DDX60L: variants seen among roughly 807,000 people sequenced by gnomAD.
DDX60L encodes the protein DExD/H-box 60 like, also known as probable ATP-dependent RNA helicase DDX60-like.
Under a neutral mutation model 211.6 loss-of-function variants are expected in DDX60L, and 191 were observed. That is an observed-to-expected ratio of 0.90 (90% confidence interval 0.80 to 1.02). The LOEUF (loss-of-function observed/expected upper bound fraction) is 1.02, where lower values mean the gene tolerates loss of function less well. Ranked by LOEUF, DDX60L falls within the 50% of genes least tolerant of loss-of-function variation. The pLI, the probability that DDX60L is intolerant of heterozygous loss-of-function variation, is 0.00. For synonymous variants in DDX60L, 706 were observed against 694.1 expected, an observed-to-expected ratio of 1.02 and a Z score of -0.27; for missense variants, 2,007 against 1,984.1, an observed-to-expected ratio of 1.01 and a Z score of -0.22.
At chr4:168,392,081 G>A (rs573800564) in intron 28 of DDX60L, among the ~76,000 whole-genome samples, 1 of 152,206 alleles carries the variant, frequency 6.6e-6, no homozygotes, top group South Asian at 2.1e-4. Flanking sequence ...ATAAATATGT[G>A]TCCAATAACT....
At chr4:168,425,109 G>A (rs879296358) in intron 14 of DDX60L, among the ~76,000 whole-genome samples, 1 of 152,242 alleles carries the variant, frequency 6.6e-6, no homozygotes, top group Non-Finnish European at 1.5e-5. Context: ...CGATGATAGC[G>A]GAGCCTAAGT....
chr4:168,408,792 C>T lies in DDX60L; in HGVS notation c.2980-2086G>A, dbSNP rs115643682. On this transcript the variant is annotated intron_variant, in intron 22 of 37. Coordinates refer to ENST00000682922, the MANE Select transcript of DDX60L (RefSeq NM_001012967.3). ...CATAATTTGTAGGAAGGCTGTGCAG[C>T]TCTTCCCTTAGCCCAGGAACAAGCC... Among the ~76,000 whole-genome samples, 666 of 152,268 alleles carry T rather than the reference C, an allele frequency of 4.4e-3. 6 individuals carry two copies. Among genetic ancestry groups the T allele is most frequent in the African/African-American group, 0.016 (647 of 41,558 alleles).
intron 1 of DDX60L, among the ~76,000 whole-genome samples, chr4:168,473,578 A>G (rs1441187729): frequency 6.6e-6 from 1 of 152,176 alleles, no homozygotes; most frequent in Non-Finnish European, 1.5e-5. Context: ...GGACAGGAGG[A>G]TGGACGATGG....
chr4:168,423,534 T>G (rs1750979299), intron 15 of DDX60L, 74 bp downstream of exon 15: 1 of 1,082,786 alleles, frequency 9.2e-7, no homozygotes, highest in Admixed American at 3.0e-5. Flanking sequence ...AGATACTTCA[T>G]TAGACCTATT....
chr4:168,371,417 T>C (rs970909961), intron 36 of DDX60L, among the ~76,000 whole-genome samples, 195 bp downstream of exon 36: 1 of 147,944 alleles, frequency 6.8e-6, no homozygotes, highest in Non-Finnish European at 1.5e-5. Flanking sequence ...ATGATTTTTA[T>C]GATTCATCTG....
In DDX60L at chr4:168,394,588, T is replaced by A; in HGVS notation, c.3687A>T (p.Arg1229=). 1 of 1,613,532 alleles carries A rather than the reference T, an allele frequency of 6.2e-7. No individual in the cohort carries two copies. The highest frequency in any genetic ancestry group is 8.5e-7 in the Non-Finnish European group (1 of 1,179,672). Reference sequence around the variant, plus strand: ...TCAGTTCTTTGCCGTGTCTTGTAAATCGCACTCGCGGTAATACCCTCTCCA... The same window carrying A: ...TCAGTTCTTTGCCGTGTCTTGTAAAACGCACTCGCGGTAATACCCTCTCCA... ...STLERVLPRV[R]FTRHGKELKA... The change falls in exon 28 of 38, where the codon CGA becomes CGT. Residue 1229 remains arginine (R), a synonymous_variant. Transcript: ENST00000682922.
At chr4:168,433,535 AG>A in intron 10 of DDX60L, among the ~76,000 whole-genome samples, 1 of 152,158 alleles carries the variant, frequency 6.6e-6, no homozygotes, top group African/African-American at 2.4e-5. Flanking sequence ...TAATAATAAA[AG>A]TATTTTATTT....
At chr4:168,477,190 C>T (rs536692978) in intron 1 of DDX60L, among the ~76,000 whole-genome samples, 8 of 152,114 alleles carry the variant, frequency 5.3e-5, no homozygotes, top group South Asian at 4.1e-4. Flanking sequence ...CCAAGGCGGA[C>T]GGATCACAAG....
At chr4:168,453,087 C>G in intron 8 of DDX60L, 37 bp downstream of exon 8, 1 of 1,575,558 alleles carries the variant, frequency 6.3e-7, no homozygotes, top group Non-Finnish European at 8.6e-7. Context: ...GTTTTCATCT[C>G]TCATGTTCAG....
intron 1 of DDX60L, among the ~76,000 whole-genome samples, chr4:168,474,051 G>A (rs1472039096): frequency 6.6e-6 from 1 of 152,166 alleles, no homozygotes; most frequent in East Asian, 1.9e-4. Flanking sequence ...TGGGAGTACA[G>A]TGAAAAGGAC....
chr4:168,457,261 T>TATATATACAC (rs139881909), intron 6 of DDX60L, among the ~76,000 whole-genome samples: 4 of 145,312 alleles, frequency 2.8e-5, no homozygotes, highest in Admixed American at 6.8e-5. Flanking sequence ...ATAAACTACA[T>TATATATACAC]ACACACACAC....
At chr4:168,434,251 T>C (rs1464531948) in intron 10 of DDX60L, among the ~76,000 whole-genome samples, 2 of 152,170 alleles carry the variant, frequency 1.3e-5, no homozygotes, top group Non-Finnish European at 2.9e-5. Flanking sequence ...TTTTCAGTCA[T>C]TATCTATGGA....
intron 18 of DDX60L, 22 bp downstream of exon 18, chr4:168,420,239 C>T: frequency 1.3e-6 from 2 of 1,528,790 alleles, no homozygotes; most frequent in African/African-American, 1.4e-5. Context: ...TGATAATAAA[C>T]TCATTAATTA....
chr4:168,472,717 C>A lies in DDX60L; in HGVS notation c.-18G>T. Reference sequence around the variant, plus strand: ...TTACCCATCGTTGCTGCTTCTTGGGCTACAGGGTAGAAGAGTAGAGCTGGA... The same window carrying A: ...TTACCCATCGTTGCTGCTTCTTGGGATACAGGGTAGAAGAGTAGAGCTGGA... On this transcript the variant is annotated 5_prime_UTR_variant, in exon 2 of 38. Coordinates refer to ENST00000682922, the MANE Select transcript of DDX60L (RefSeq NM_001012967.3). 1 of 1,613,144 alleles carries A rather than the reference C, an allele frequency of 6.2e-7. No individual in the cohort carries two copies. The highest frequency in any genetic ancestry group is 8.5e-7 in the Non-Finnish European group (1 of 1,179,570).
At chr4:168,448,453 A>C (rs967541830) in intron 9 of DDX60L, among the ~76,000 whole-genome samples, 185 bp downstream of exon 9, 1 of 152,214 alleles carries the variant, frequency 6.6e-6, no homozygotes, top group Non-Finnish European at 1.5e-5. Flanking sequence ...ATAGCATATC[A>C]TATCATAGCA....
At chr4:168,398,324 T>C (rs533873714) in intron 26 of DDX60L, among the ~76,000 whole-genome samples, 12 of 152,308 alleles carry the variant, frequency 7.9e-5, no homozygotes, top group African/African-American at 2.9e-4. Flanking sequence ...GCCAGGTGTG[T>C]GCACGCTCAG....
intron 11 of DDX60L, 82 bp downstream of exon 11, chr4:168,432,928 C>T: frequency 1.2e-6 from 1 of 807,432 alleles, no homozygotes; most frequent in Non-Finnish European, 2.0e-6. Flanking sequence ...TGATATATTA[C>T]ATAGACATTT....
intron 30 of DDX60L, among the ~76,000 whole-genome samples, chr4:168,383,210 TA>T (rs905981423): frequency 7.2e-5 from 11 of 152,174 alleles, no homozygotes; most frequent in African/African-American, 2.7e-4. Flanking sequence ...AAAACAAAAT[TA>T]TTTTTTTCTG....
intron 5 of DDX60L, 124 bp downstream of exon 5, chr4:168,461,575 G>A: frequency 1.5e-6 from 1 of 661,748 alleles, no homozygotes; most frequent in Middle Eastern, 4.1e-4. Flanking sequence ...ATTATTAAAT[G>A]TATTACCTCT....
Sources: gnomAD v4.1 joint callset for allele counts (sites outside exome capture counted in the v4.1 genomes callset) on GRCh38, gnomAD v4.1.1 for gene constraint, MANE v1.5 for transcripts, NCBI Gene and HGNC (gene_info 2026-07-23, HGNC 2026-07-21) for gene names.